Variants in STRN observed in about 807,000 individuals in gnomAD.
STRN encodes protein phosphatase 2 regulatory subunit B'''alpha.
In STRN, 53 loss-of-function variants were observed where a neutral mutation model predicts 96.3. The observed-to-expected ratio is 0.55, with a 90% CI of 0.44 to 0.69. The LOEUF is 0.69. STRN is among the 30% of genes least tolerant of loss of function. The probability of loss-of-function intolerance (pLI) is 0.00; values close to 1 mark genes in which losing one functional copy is unlikely to be tolerated. For synonymous variants in STRN, 428 were observed against 355.9 expected (o/e 1.20, Z -2.28); for missense variants, 987 against 963.9 (o/e 1.02, Z -0.32).
At position 36,902,755 on chromosome 2, in the gene STRN, T is replaced by C; in HGVS notation, c.492-4A>G. 2 of 1,593,894 alleles carry C rather than the reference T, an allele frequency of 1.3e-6. No homozygotes were observed. Among genetic ancestry groups the C allele is most frequent in the South Asian group, 1.1e-5 (1 of 87,188 alleles). ...ATAACCCACCTCCTGTAGATACCTGTGTGAAGAGAATCCTTAGAGTTCAGT... is the reference window on the plus strand; with the variant it reads ...ATAACCCACCTCCTGTAGATACCTGCGTGAAGAGAATCCTTAGAGTTCAGT... On this transcript the variant is annotated splice_polypyrimidine_tract_variant and splice_region_variant and intron_variant, in intron 4 of 17. Transcript: ENST00000263918.
chr2:36,895,675 G>A (rs564256008), intron 6 of STRN, among the ~76,000 whole-genome samples: 20 of 151,802 alleles, frequency 1.3e-4, no homozygotes, highest in African/African-American at 4.8e-4. Context: ...ACTTTGGGAG[G>A]CCGAGATGGG....
At chr2:36,867,650 A>T (rs544900908) in intron 12 of STRN, among the ~76,000 whole-genome samples, 164 bp downstream of exon 12, 3 of 152,238 alleles carry the variant, frequency 2.0e-5, no homozygotes, top group Non-Finnish European at 4.4e-5. Context: ...CTACTTGGCA[A>T]TGATGAACTT....
chr2:36,884,158 T>C, intron 8 of STRN, 83 bp from the exon 9 acceptor site: 1 of 1,171,482 alleles, frequency 8.5e-7, no homozygotes, highest in Non-Finnish European at 1.1e-6. Context: ...ATTATAAGCC[T>C]TATTTTCCAT....
At chr2:36,965,939 A>G (rs1665146544) in intron 1 of STRN, among the ~76,000 whole-genome samples, 1 of 152,170 alleles carries the variant, frequency 6.6e-6, no homozygotes, top group African/African-American at 2.4e-5. Flanking sequence ...CCTGAGATGC[A>G]GGATGGCCAG....
Position 36,849,387 on chromosome 2 carries a change from C to G in STRN, c.*69G>C. 5 of 1,548,238 alleles carry G rather than the reference C, an allele frequency of 3.2e-6. No homozygotes were observed. Among genetic ancestry groups the G allele is most frequent in the Non-Finnish European group, 4.4e-6 (5 of 1,135,536 alleles). On this transcript the variant is annotated 3_prime_UTR_variant, in exon 18 of 18. Transcript: ENST00000263918. ...GGCAGGACGAGATGATTCTTGCCCT[C>G]GTCTTCTGTATCTCTTGTGTGCAGT...
chr2:36,933,164 TAAAC>T (rs1439031809), intron 1 of STRN, among the ~76,000 whole-genome samples: 1 of 151,922 alleles, frequency 6.6e-6, no homozygotes, highest in African/African-American at 2.4e-5. Context: ...AAACATTCAA[TAAAC>T]AATAAATACA....
At chr2:36,955,346 A>G (rs1343516715) in intron 1 of STRN, among the ~76,000 whole-genome samples, 1 of 152,200 alleles carries the variant, frequency 6.6e-6, no homozygotes, top group East Asian at 1.9e-4. Context: ...CTGAGGTAAA[A>G]TATTCTTAGT....
chr2:36,942,748 T>C (rs984225339), intron 1 of STRN, among the ~76,000 whole-genome samples: 2 of 152,108 alleles, frequency 1.3e-5, no homozygotes, highest in South Asian at 2.1e-4. Context: ...CAGGCTGGAG[T>C]GCAGTGGCGT....
At chr2:36,918,390 C>A (rs781500413) in intron 2 of STRN, among the ~76,000 whole-genome samples, 1 of 151,904 alleles carries the variant, frequency 6.6e-6, no homozygotes, top group Non-Finnish European at 1.5e-5. Flanking sequence ...TGTAACTAGT[C>A]TGAAGACAGA....
Position 36,838,948 on chromosome 2 carries a change from A to G in STRN, c.*10508T>C, listed in dbSNP as rs1343261690. Reference sequence around the variant, plus strand: ...AACGTTAGACTGTATATGTTTACTGATAAATTTGAGAGACCTTTAAAAATT... The same window carrying G: ...AACGTTAGACTGTATATGTTTACTGGTAAATTTGAGAGACCTTTAAAAATT... On this transcript the variant is annotated 3_prime_UTR_variant, in exon 18 of 18. Transcript: ENST00000263918. 6.6e-6 allele frequency among the ~76,000 whole-genome samples: 1 copy of G among 152,184 alleles called. No homozygotes were observed. Among genetic ancestry groups the G allele is most frequent in the African/African-American group, 2.4e-5 (1 of 41,442 alleles).
chr2:36,959,194 G>T (rs1202542496), intron 1 of STRN, among the ~76,000 whole-genome samples: 2 of 152,040 alleles, frequency 1.3e-5, no homozygotes, highest in Non-Finnish European at 2.9e-5. Context: ...AATCTTAAAT[G>T]CAACCAATAA....
At chr2:36,913,533 A>G (rs572172585) in intron 3 of STRN, among the ~76,000 whole-genome samples, 1 of 152,342 alleles carries the variant, frequency 6.6e-6, no homozygotes, top group East Asian at 1.9e-4. Context: ...CCACTTGACT[A>G]GGTTTGTGCT....
At chr2:36,892,118 G>T (rs1669417486) in intron 7 of STRN, among the ~76,000 whole-genome samples, 1 of 152,156 alleles carries the variant, frequency 6.6e-6, no homozygotes, top group Non-Finnish European at 1.5e-5. Context: ...GTTCTCGAAG[G>T]TATATTAGAA....
intron 1 of STRN, among the ~76,000 whole-genome samples, chr2:36,928,313 C>T (rs1029518487): frequency 5.9e-5 from 9 of 151,342 alleles, no homozygotes; most frequent in African/African-American, 2.2e-4. Flanking sequence ...AAGACGAAAA[C>T]AGCAAAAGGA....
chr2:36,886,524 G>C (rs1192992200), intron 8 of STRN, among the ~76,000 whole-genome samples, 192 bp downstream of exon 8: 1 of 151,904 alleles, frequency 6.6e-6, no homozygotes, highest in East Asian at 1.9e-4. Context: ...AGTACATGTG[G>C]GTTGTTTTCT....
chr2:36,959,765 A>C (rs187641317), intron 1 of STRN, among the ~76,000 whole-genome samples: 1 of 152,346 alleles, frequency 6.6e-6, no homozygotes, highest in African/African-American at 2.4e-5. Context: ...TTTATAGATA[A>C]TGTAAAAACA....
chr2:36,921,462 A>G (rs149652919), intron 2 of STRN, among the ~76,000 whole-genome samples: 287 of 152,238 alleles, frequency 1.9e-3, no homozygotes, highest in African/African-American at 6.5e-3. Flanking sequence ...CTTCACTCAC[A>G]ATAATACTGA....
intron 1 of STRN, among the ~76,000 whole-genome samples, chr2:36,944,495 C>A (rs73924949): frequency 0.076 from 11,544 of 152,148 alleles, 663 homozygotes; most frequent in African/African-American, 0.16. Flanking sequence ...TACATAAGCC[C>A]ATGTCTGTTA....
At chr2:36,952,447 G>GA (rs1303776382) in intron 1 of STRN, among the ~76,000 whole-genome samples, 1 of 112,622 alleles carries the variant, frequency 8.9e-6, no homozygotes. Flanking sequence ...TGAAGCACGA[G>GA]AGAAAAAAAA....
Sources: gnomAD v4.1 joint callset for allele counts (sites outside exome capture counted in the v4.1 genomes callset) on GRCh38, gnomAD v4.1.1 for gene constraint, MANE v1.5 for transcripts, NCBI Gene and HGNC (gene_info 2026-07-23, HGNC 2026-07-21) for gene names.